The following PKHD1L1 variants were observed in gnomAD, a reference collection of about 807,000 sequenced individuals.
The protein encoded by PKHD1L1 is fibrocystin-L.
In PKHD1L1, 434 loss-of-function variants were observed where a neutral mutation model predicts 462.9. The ratio of observed to expected loss-of-function variants is 0.94; its 90% CI spans 0.87 to 1.02. The LOEUF is 1.02. PKHD1L1 is among the 50% of genes least tolerant of loss of function. The pLI is 0.00. For missense variants in PKHD1L1, 5,202 were observed against 5,096.1 expected, an observed-to-expected ratio of 1.02 and a Z score of -0.63; for synonymous variants, 1,781 against 1,750.0, an observed-to-expected ratio of 1.02 and a Z score of -0.44.
Position 109,497,221 on chromosome 8 carries a change from C to T in PKHD1L1, c.10548C>T (p.Tyr3516=). 6.2e-7 allele frequency: 1 copy of T among 1,613,356 alleles called. No individual in the cohort carries two copies. The highest frequency in any genetic ancestry group is 2.2e-5 in the East Asian group (1 of 44,860). The change falls in exon 65 of 78, where the codon TAC becomes TAT. Residue 3516 remains tyrosine (Y), a synonymous_variant. Transcript: ENST00000378402. ...GAATGGCCATTTTTCCAATGATTTACATGCCAGCTGCTATATCACACAAAA... is the reference window on the plus strand; with the variant it reads ...GAATGGCCATTTTTCCAATGATTTATATGCCAGCTGCTATATCACACAAAA... The part of the protein sequence containing the change: ...DNGMAIFPMI[Y]MPAAISHKIS...
At chr8:109,431,682 T>G (rs766333082) in intron 27 of PKHD1L1, among the ~76,000 whole-genome samples, 2 of 152,226 alleles carry the variant, frequency 1.3e-5, no homozygotes, top group Non-Finnish European at 2.9e-5. Context: ...TCAATCACCT[T>G]AAAGTATTTC....
At position 109,483,030 on chromosome 8, in the gene PKHD1L1, A is replaced by G. The variant is rs1818348150; in HGVS notation, c.9501A>G (p.Ile3167Met). ...ELDLHGIPHSIYKTKLSETAF... is the reference protein window; with the variant it reads ...ELDLHGIPHSMYKTKLSETAF... ...ATCTTCATGGAATTCCACATTCAAT[A>G]TATAAAACTAAGCTCTCAGAAACTG... Residue 3167 changes from isoleucine to methionine, a missense_variant, in exon 57 of 78, where the codon ATA becomes ATG. By Grantham distance (10) the Ile-to-Met change is conservative (BLOSUM62 1). Around this residue, in one of 3 missense-constraint regions of PKHD1L1, gnomAD observed 4,497 missense variants for 4,336.8 expected, o/e 1.04. Transcript: ENST00000378402. 5 of 1,600,024 alleles carry G rather than the reference A, an allele frequency of 3.1e-6. No homozygotes were observed. Among genetic ancestry groups the G allele is most frequent in the Non-Finnish European group, 4.3e-6 (5 of 1,173,262 alleles).
At chr8:109,381,657 G>A in intron 3 of PKHD1L1, 143 bp downstream of exon 3, 1 of 631,800 alleles carries the variant, frequency 1.6e-6, no homozygotes. Context: ...TTCATTTTGT[G>A]ATGTTTAGAC....
chr8:109,381,871 G>A (rs1213368966), intron 3 of PKHD1L1, among the ~76,000 whole-genome samples: 1 of 151,964 alleles, frequency 6.6e-6, no homozygotes, highest in African/African-American at 2.4e-5. Flanking sequence ...TATTCATATA[G>A]TCATTAAGAT....
At chr8:109,406,928 T>TA (rs35094855) in intron 17 of PKHD1L1, among the ~76,000 whole-genome samples, 1,728 of 148,906 alleles carry the variant, frequency 0.012, 14 homozygotes, top group Middle Eastern at 0.051. Flanking sequence ...CCTGCAGTAT[T>TA]AAAAAAAAAA....
At chr8:109,384,264 C>T (rs1041170189) in intron 5 of PKHD1L1, 137 bp downstream of exon 5, 10 of 714,032 alleles carry the variant, frequency 1.4e-5, no homozygotes, top group Non-Finnish European at 1.6e-5. Flanking sequence ...ATCAGCCAGG[C>T]GCGGTGGCTC....
At chr8:109,430,098 T>C (rs1815011282) in intron 27 of PKHD1L1, 61 bp downstream of exon 27, 6 of 1,043,646 alleles carry the variant, frequency 5.7e-6, no homozygotes, top group Non-Finnish European at 7.1e-6. Context: ...ATGTAAACTC[T>C]GATAATGACT....
At chr8:109,363,930 A>G (rs529419468) in intron 1 of PKHD1L1, among the ~76,000 whole-genome samples, 1 of 152,298 alleles carries the variant, frequency 6.6e-6, no homozygotes, top group Admixed American at 6.5e-5. Flanking sequence ...GAAAGTTAGG[A>G]CTGTTACACA....
At chr8:109,365,295 A>G (rs936461459) in intron 2 of PKHD1L1, among the ~76,000 whole-genome samples, 2 of 152,346 alleles carry the variant, frequency 1.3e-5, no homozygotes, top group African/African-American at 2.4e-5. Context: ...ATTTTTGAAC[A>G]ATAAGAAACA....
chr8:109,399,129 T>C (rs1039163731), intron 12 of PKHD1L1, among the ~76,000 whole-genome samples: 4 of 152,198 alleles, frequency 2.6e-5, no homozygotes, highest in Admixed American at 6.6e-5. Context: ...AATCGTGTCA[T>C]TGTTTCACAT....
At chr8:109,372,859 T>C (rs977596726) in intron 2 of PKHD1L1, among the ~76,000 whole-genome samples, 2 of 152,210 alleles carry the variant, frequency 1.3e-5, no homozygotes, top group African/African-American at 4.8e-5. Flanking sequence ...TGAAGCCCAC[T>C]TGATCATGGT....
intron 9 of PKHD1L1, among the ~76,000 whole-genome samples, chr8:109,392,667 A>T (rs1812768774): frequency 6.6e-6 from 1 of 152,084 alleles, no homozygotes; most frequent in Admixed American, 6.6e-5. Flanking sequence ...TTACATTAAG[A>T]TTACCTAAAA....
At chr8:109,499,460 C>A (rs991194264) in intron 67 of PKHD1L1, among the ~76,000 whole-genome samples, 1 of 152,166 alleles carries the variant, frequency 6.6e-6, no homozygotes, top group Non-Finnish European at 1.5e-5. Context: ...ATTAGCAACA[C>A]TTTTAAGTGT....
In PKHD1L1 at chr8:109,454,284, T is replaced by C; in HGVS notation, c.6744+38T>C. 6.4e-6 allele frequency: 9 copies of C among 1,400,248 alleles called. No homozygotes were observed. The South Asian group carries it at 6.7e-5, about 10-fold the overall frequency. The allele number at this position is 1,400,248 out of a possible 1,614,324, so 86.7% of individuals were successfully genotyped here. A position where few individuals can be genotyped will look rare whatever the true frequency, so the allele number is the denominator to read the frequency against. On this transcript the variant is annotated intron_variant, in intron 44 of 77. Coordinates refer to ENST00000378402, the MANE Select transcript of PKHD1L1 (RefSeq NM_177531.6). ...ACATAATACATATTCATTTCCAACC[T>C]GTCTCCATTCATTTTTTTAAATACT...
chr8:109,390,415 G>T (rs1812657076), intron 8 of PKHD1L1, 37 bp from the exon 9 acceptor site: 3 of 1,227,204 alleles, frequency 2.4e-6, no homozygotes, highest in Admixed American at 5.9e-5. Context: ...TCTGTGACTG[G>T]GAATTTAATT....
At chr8:109,401,648 T>A (rs1813281777) in intron 14 of PKHD1L1, 60 bp downstream of exon 14, 7 of 815,110 alleles carry the variant, frequency 8.6e-6, no homozygotes, top group Non-Finnish European at 1.3e-5. Flanking sequence ...AAGTTTATAT[T>A]TTAAAATATT....
intron 68 of PKHD1L1, among the ~76,000 whole-genome samples, chr8:109,505,905 A>G (rs1819665045): frequency 6.6e-6 from 1 of 152,154 alleles, no homozygotes; most frequent in African/African-American, 2.4e-5. Context: ...ACCCTGTCTC[A>G]GAAAAAAAGT....
intron 45 of PKHD1L1, among the ~76,000 whole-genome samples, chr8:109,455,359 AC>A (rs1816760539): frequency 6.6e-6 from 1 of 152,134 alleles, no homozygotes; most frequent in Non-Finnish European, 1.5e-5. Context: ...AACAAAACAA[AC>A]AAACAAACAA....
chr8:109,525,948 A>T (rs1820794727), intron 76 of PKHD1L1, among the ~76,000 whole-genome samples: 1 of 152,226 alleles, frequency 6.6e-6, no homozygotes, highest in African/African-American at 2.4e-5. Context: ...TGACTTTTTA[A>T]AAACAACACA....
Sources: gnomAD v4.1 joint callset for allele counts (sites outside exome capture counted in the v4.1 genomes callset) on GRCh38, gnomAD v4.1.1 for gene constraint, gnomAD v4.1.1 regional missense constraint, MANE v1.5 for transcripts, NCBI Gene and HGNC (gene_info 2026-07-23, HGNC 2026-07-21) for gene names.